Variants in ALOX5AP observed in about 807,000 individuals in gnomAD.
ALOX5AP encodes the protein arachidonate 5-lipoxygenase activating protein, also known as arachidonate 5-lipoxygenase-activating protein.
A neutral mutation model predicts 18.5 loss-of-function variants in ALOX5AP; 9 were observed. That is an observed-to-expected ratio of 0.49 (90% CI 0.29 to 0.85). ALOX5AP has a LOEUF of 0.85. Ranked by LOEUF, ALOX5AP falls within the 40% of genes least tolerant of loss-of-function variation. The pLI, the probability that ALOX5AP is intolerant of heterozygous loss-of-function variation, is 0.08. For missense variants in ALOX5AP, 172 were observed against 202.5 expected, an observed-to-expected ratio of 0.85 and a Z score of 0.91; for synonymous variants, 81 against 78.6, an observed-to-expected ratio of 1.03 and a Z score of -0.16.
chr13:30,734,562 T>G (rs1951705793), upstream of ALOX5AP, among the ~76,000 whole-genome samples: 1 of 152,236 alleles, frequency 6.6e-6, no homozygotes, highest in Non-Finnish European at 1.5e-5. Context: ...AGCTGCAGAA[T>G]ACCAGGCAGC....
chr13:30,746,736 A>C (rs17216508), intron 2 of ALOX5AP, among the ~76,000 whole-genome samples: 1 of 152,332 alleles, frequency 6.6e-6, no homozygotes, highest in African/African-American at 2.4e-5. Context: ...TAATCTTGCT[A>C]TCTGAAAAGT....
rs374800086 is a variant in ALOX5AP at position 30,729,608 on chromosome 13, G to A, written c.117-5943G>A. Among the ~76,000 whole-genome samples the A allele has an allele frequency of 1.2e-4, 17 of 139,496 alleles. 1 individual carries two copies. In the East Asian group the frequency reaches 2.9e-3, roughly 24 times the overall value. 91.5% of individuals were successfully genotyped at this position (139,496 alleles called of 152,430 possible). A position where few individuals can be genotyped will look rare whatever the true frequency, so the allele number is the denominator to read the frequency against. ...TTTTTTTTTTTTTAGATGGGGTCTCGCTCTGTCACCCAGGCTGGAGTGCAG... is the reference window on the plus strand; with the variant it reads ...TTTTTTTTTTTTTAGATGGGGTCTCACTCTGTCACCCAGGCTGGAGTGCAG... On this transcript the variant is annotated intron_variant, in intron 1 of 5. Transcript: ENST00000617770.
intron 1 of ALOX5AP, among the ~76,000 whole-genome samples, chr13:30,742,969 C>T (rs564437296): frequency 6.7e-6 from 1 of 149,504 alleles, no homozygotes; most frequent in East Asian, 2.0e-4. Flanking sequence ...CCTATCTTAT[C>T]CCCCTATCCT....
chr13:30,718,612 T>G (rs951094991), intron 1 of ALOX5AP, among the ~76,000 whole-genome samples: 4 of 152,042 alleles, frequency 2.6e-5, no homozygotes, highest in African/African-American at 9.7e-5. Flanking sequence ...CCTATTACTT[T>G]CTCTGGAACC....
chr13:30,727,820 T>A (rs1384180726), intron 1 of ALOX5AP, among the ~76,000 whole-genome samples: 1 of 152,176 alleles, frequency 6.6e-6, no homozygotes, highest in African/African-American at 2.4e-5. Context: ...TTCTTGCAAA[T>A]TTCAGTGTCA....
chr13:30,713,782 T>C (rs372497735), exon 1 of ALOX5AP: 3 of 1,535,754 alleles, frequency 2.0e-6, no homozygotes, highest in East Asian at 2.4e-5. Context: ...TGAAAACTTC[T>C]GAATTTGGGA....
chr13:30,757,714 C>T (rs186445905), intron 4 of ALOX5AP, among the ~76,000 whole-genome samples: 1 of 152,228 alleles, frequency 6.6e-6, no homozygotes, highest in East Asian at 1.9e-4. Context: ...GCTTTAATTC[C>T]GAGACCATCT....
chr13:30,726,567 T>A (rs969704681), intron 1 of ALOX5AP, among the ~76,000 whole-genome samples: 7 of 152,170 alleles, frequency 4.6e-5, no homozygotes, highest in Non-Finnish European at 8.8e-5. Flanking sequence ...ATAGAATGAG[T>A]AGTGGAAGGT....
chr13:30,759,653 C>T (rs1321765284), intron 4 of ALOX5AP, among the ~76,000 whole-genome samples: 2 of 152,192 alleles, frequency 1.3e-5, no homozygotes, highest in Non-Finnish European at 2.9e-5. Context: ...ATTTCTCCTC[C>T]TCAGCATCAA....
chr13:30,735,267 G>A (rs9550373), upstream of ALOX5AP, among the ~76,000 whole-genome samples: 4,993 of 152,002 alleles, frequency 0.033, 127 homozygotes, highest in Non-Finnish European at 0.052. Context: ...TGCTGGGCTC[G>A]TGCTGGTCAT....
At chr13:30,744,271 G>A (rs1156707856) in intron 2 of ALOX5AP, 112 bp downstream of exon 2, 9 of 930,034 alleles carry the variant, frequency 9.7e-6, no homozygotes, top group Non-Finnish European at 1.5e-5. Context: ...AAGTTTCTGA[G>A]CGCCAGGGAG....
chr13:30,751,683 C>T (rs911632862), intron 2 of ALOX5AP, among the ~76,000 whole-genome samples: 2 of 152,230 alleles, frequency 1.3e-5, no homozygotes, highest in Admixed American at 1.3e-4. Flanking sequence ...TTCTCCCCGA[C>T]CACCCCCATG....
intron 1 of ALOX5AP, among the ~76,000 whole-genome samples, chr13:30,714,746 C>T (rs556194990): frequency 2.8e-4 from 43 of 152,284 alleles, no homozygotes; most frequent in African/African-American, 9.4e-4. Flanking sequence ...TCTGAGAAGG[C>T]TACCAGTCTC....
At chr13:30,746,431 C>G (rs540675951) in intron 2 of ALOX5AP, among the ~76,000 whole-genome samples, 1 of 152,342 alleles carries the variant, frequency 6.6e-6, no homozygotes, top group Admixed American at 6.5e-5. Flanking sequence ...CAAAAACTGT[C>G]TGGACACTGC....
Position 30,764,026 on chromosome 13 carries a change from ATCT to A in ALOX5AP, c.411_413del (p.Phe139del), listed in dbSNP as rs778525961. The A allele has an allele frequency of 2.5e-6, 4 of 1,614,036 alleles. No homozygotes were observed. The South Asian group carries it at 4.4e-5, about 18-fold the overall frequency. Reference sequence around the variant, plus strand: ...TGCTGGCATATTCAACTATTACCTCATCTTCTTTTTCGGAAGTGACTTTGAAAA... The same window carrying A: ...TGCTGGCATATTCAACTATTACCTCATCTTTTTCGGAAGTGACTTTGAAAA... On this transcript the variant is annotated inframe_deletion, in exon 5 of 5. Transcript: ENST00000380490.
intron 1 of ALOX5AP, among the ~76,000 whole-genome samples, chr13:30,728,366 C>A (rs1300866706): frequency 2.6e-5 from 4 of 152,192 alleles, no homozygotes; most frequent in Non-Finnish European, 5.9e-5. Flanking sequence ...GTTATGGCAA[C>A]TCCAGAAAAC....
intron 1 of ALOX5AP, among the ~76,000 whole-genome samples, chr13:30,741,391 C>CTTTTTTTTTTTTTTTTTTT (rs34793607): frequency 1.6e-5 from 2 of 128,774 alleles, no homozygotes. Flanking sequence ...CTTGTTTTGT[C>CTTTTTTTTTTTTTTTTTTT]TTTTTTTTTT....
intron 4 of ALOX5AP, among the ~76,000 whole-genome samples, chr13:30,760,749 C>T (rs1285503485): frequency 1.3e-5 from 2 of 152,112 alleles, no homozygotes; most frequent in African/African-American, 2.4e-5. Context: ...TACAATACGC[C>T]CCCATAGGAT....
chr13:30,746,168 G>A (rs1336178565), intron 2 of ALOX5AP, among the ~76,000 whole-genome samples: 1 of 152,228 alleles, frequency 6.6e-6, no homozygotes, highest in East Asian at 1.9e-4. Flanking sequence ...GCTATGCTGT[G>A]TCACTTGGGA....
Sources: allele counts gnomAD v4.1 joint callset (sites outside exome capture counted in the v4.1 genomes callset), GRCh38; gene constraint gnomAD v4.1.1; transcripts MANE v1.5; gene names NCBI Gene and HGNC (gene_info 2026-07-23, HGNC 2026-07-21).